Variants in PLXNA4 observed in about 807,000 individuals in gnomAD.
The protein encoded by PLXNA4 is plexin A4.
PLXNA4 carries 44 observed loss-of-function variants against 191.8 expected under a neutral mutation model. The observed-to-expected ratio is 0.23, with a 90% CI of 0.18 to 0.29. The LOEUF is 0.29. PLXNA4 is among the 10% of genes least tolerant of loss of function. The pLI is 1.00. For synonymous variants in PLXNA4, 1,082 were observed against 1,009.5 expected (o/e 1.07, Z -1.36); for missense variants, 1,800 against 2,488.8 (o/e 0.72, Z 5.89).
Position 132,291,429 on chromosome 7 carries a change from C to A in PLXNA4, c.1503+6662G>T, listed in dbSNP as rs1216798062. 1.3e-5 allele frequency among the ~76,000 whole-genome samples: 2 copies of A among 152,142 alleles called. 1 individual carries two copies. The highest frequency in any genetic ancestry group is 4.1e-4 in the South Asian group (2 of 4,824). The stretch of plus-strand genomic sequence containing the variant: ...TTCTCTCATTCGCTGTCTCTCTGCC[C>A]AGAATGTAAGGCCTATAAGGATAAG... On this transcript the variant is annotated intron_variant, in intron 4 of 31. Coordinates refer to ENST00000321063, the MANE Select transcript of PLXNA4 (RefSeq NM_020911.2).
At chr7:132,436,286 C>A (rs6954690) in intron 3 of PLXNA4, among the ~76,000 whole-genome samples, 4 of 152,136 alleles carry the variant, frequency 2.6e-5, no homozygotes, top group African/African-American at 9.7e-5. Context: ...GAAGGGAGTC[C>A]GTCTATGGGG....
Position 132,168,705 on chromosome 7 carries a change from G to A in PLXNA4, c.4018-133C>T, listed in dbSNP as rs780057366. 1.2e-5 allele frequency: 16 copies of A among 1,299,246 alleles called. No individual in the cohort carries two copies. In the Admixed American group the frequency reaches 4.5e-4, roughly 36 times the overall value. The allele number at this position is 1,299,246 out of a possible 1,614,324, so 80.5% of individuals were successfully genotyped here. ...AGCCACAGTCCACCTGGCTAATGCT[G>A]TCAAGCCCTTAGCACTGAGTTAAGT... On this transcript the variant is annotated intron_variant, in intron 21 of 31. Coordinates refer to ENST00000321063, the MANE Select transcript of PLXNA4 (RefSeq NM_020911.2).
chr7:132,399,145 G>A (rs539695265), intron 3 of PLXNA4, among the ~76,000 whole-genome samples: 2 of 152,176 alleles, frequency 1.3e-5, no homozygotes, highest in Admixed American at 6.5e-5. Context: ...TTACACCCAC[G>A]GGCTTCAAGT....
intron 3 of PLXNA4, among the ~76,000 whole-genome samples, chr7:132,347,300 C>A (rs542300232): frequency 1.3e-5 from 2 of 152,124 alleles, no homozygotes; most frequent in African/African-American, 4.8e-5. Flanking sequence ...CCATATGAGG[C>A]GGGAAGCAGC....
intron 1 of PLXNA4, among the ~76,000 whole-genome samples, chr7:132,540,602 A>G (rs1375695141): frequency 4.3e-5 from 1 of 23,208 alleles, no homozygotes; most frequent in African/African-American, 1.1e-4. Flanking sequence ...TTTTTTTGAG[A>G]CGGAGTCTTG....
intron 3 of PLXNA4, among the ~76,000 whole-genome samples, chr7:132,389,806 G>A (rs1805323146): frequency 1.3e-5 from 2 of 152,156 alleles, no homozygotes; most frequent in African/African-American, 4.8e-5. Context: ...ATTCTGTGAA[G>A]AAAGTCAATG....
chr7:132,387,400 T>C (rs748242500), intron 3 of PLXNA4, among the ~76,000 whole-genome samples: 10 of 152,220 alleles, frequency 6.6e-5, no homozygotes, highest in Non-Finnish European at 1.3e-4. Context: ...GTAAAGGAGA[T>C]ACTCAACGTT....
At chr7:132,374,983 G>A (rs1804599529) in intron 3 of PLXNA4, among the ~76,000 whole-genome samples, 2 of 152,240 alleles carry the variant, frequency 1.3e-5, no homozygotes. Flanking sequence ...ATGTGCACAA[G>A]TCTGTGTGTG....
At chr7:132,340,381 C>T (rs1028268742) in intron 3 of PLXNA4, among the ~76,000 whole-genome samples, 1 of 152,216 alleles carries the variant, frequency 6.6e-6, no homozygotes. Context: ...GCAACCAAGC[C>T]TGGTCCACCA....
intron 3 of PLXNA4, among the ~76,000 whole-genome samples, chr7:132,363,141 T>C (rs6467434): frequency 0.45 from 68,893 of 151,986 alleles, 18,190 homozygotes; most frequent in African/African-American, 0.73. Context: ...TGCGCCACCA[T>C]GCCTGGCTAA....
Position 132,226,320 on chromosome 7 carries a change from T to C in PLXNA4, c.1883-60A>G, listed in dbSNP as rs1036678906. 2.2e-5 allele frequency: 31 copies of C among 1,419,766 alleles called. No homozygotes were observed. In the African/African-American group the frequency reaches 3.8e-4, roughly 18 times the overall value. The allele number at this position is 1,419,766 out of a possible 1,614,324, so 87.9% of individuals were successfully genotyped here. ...CTGAGGCCCCAAGCCAGGGATTCCC[T>C]GACCAGTGACACCTGCTGGAAAAGG... On this transcript the variant is annotated intron_variant, in intron 7 of 31. Transcript: ENST00000321063.
intron 3 of PLXNA4, among the ~76,000 whole-genome samples, chr7:132,316,244 C>A (rs556733894): frequency 6.6e-6 from 1 of 152,138 alleles, no homozygotes; most frequent in Non-Finnish European, 1.5e-5. Flanking sequence ...TTTATTGAAT[C>A]GTCCACATTC....
intron 4 of PLXNA4, among the ~76,000 whole-genome samples, chr7:132,295,522 G>A (rs1013585187): frequency 3.3e-5 from 5 of 152,184 alleles, no homozygotes; most frequent in Non-Finnish European, 5.9e-5. Flanking sequence ...CCACCTGAAG[G>A]AGGCTGGAAT....
intron 3 of PLXNA4, among the ~76,000 whole-genome samples, chr7:132,396,409 C>T (rs1375365801): frequency 6.6e-6 from 1 of 152,184 alleles, no homozygotes; most frequent in African/African-American, 2.4e-5. Flanking sequence ...GATAAGGAAG[C>T]TAAGCCACAG....
chr7:132,621,562 C>T (rs1465615441), intron 2 of PLXNA4, among the ~76,000 whole-genome samples: 3 of 152,110 alleles, frequency 2.0e-5, no homozygotes, highest in African/African-American at 7.2e-5. Flanking sequence ...CCTGGCCAAT[C>T]TCTTAGTTTT....
chr7:132,198,873 A>C (rs898861503), intron 12 of PLXNA4, among the ~76,000 whole-genome samples: 1 of 152,198 alleles, frequency 6.6e-6, no homozygotes, highest in African/African-American at 2.4e-5. Flanking sequence ...ACATCTTTCC[A>C]TTTCATAGAA....
chr7:132,463,693 G>T (rs143358253), intron 3 of PLXNA4, among the ~76,000 whole-genome samples: 1 of 152,122 alleles, frequency 6.6e-6, no homozygotes, highest in Non-Finnish European at 1.5e-5. Context: ...TCTGGCTTAC[G>T]GGGACACACC....
intron 4 of PLXNA4, among the ~76,000 whole-genome samples, chr7:132,294,629 G>A (rs1381462649): frequency 6.6e-6 from 1 of 152,196 alleles, no homozygotes; most frequent in Non-Finnish European, 1.5e-5. Context: ...TAACAATGAA[G>A]TGGTGGGAAA....
intron 4 of PLXNA4, among the ~76,000 whole-genome samples, chr7:132,264,932 A>G (rs67774966): frequency 0.16 from 24,319 of 152,096 alleles, 2,569 homozygotes; most frequent in African/African-American, 0.29. Flanking sequence ...TCCTGACCTC[A>G]AGTGATCTGC....
Sources: allele counts gnomAD v4.1 joint callset (sites outside exome capture counted in the v4.1 genomes callset), GRCh38; gene constraint gnomAD v4.1.1; transcripts MANE v1.5; gene names NCBI Gene and HGNC (gene_info 2026-07-23, HGNC 2026-07-21).